The following KIF18A variants were observed in gnomAD, a reference collection of about 807,000 sequenced individuals.
The protein encoded by KIF18A is kinesin family member 18A, also known as kinesin-like protein KIF18A.
In KIF18A, 67 loss-of-function variants were observed where a neutral mutation model predicts 103.3. The observed-to-expected ratio is 0.65, with a 90% CI of 0.53 to 0.79. The LOEUF (loss-of-function observed/expected upper bound fraction) is 0.79. Among genes scored for constraint, KIF18A ranks in the 30% least tolerant of loss-of-function variants. KIF18A has a pLI of 0.00. For synonymous variants in KIF18A, 367 were observed against 355.5 expected (o/e 1.03, Z -0.36); for missense variants, 1,032 against 1,062.5 (o/e 0.97, Z 0.40).
chr11:28,063,881 T>G (rs1321168536), intron 11 of KIF18A, among the ~76,000 whole-genome samples: 2 of 151,750 alleles, frequency 1.3e-5, no homozygotes, highest in Non-Finnish European at 2.9e-5. Context: ...TAAATCAATT[T>G]TAATAAAATA....
At chr11:28,107,524 G>C (rs1308148635) in intron 1 of KIF18A, among the ~76,000 whole-genome samples, 1 of 152,186 alleles carries the variant, frequency 6.6e-6, no homozygotes, top group East Asian at 1.9e-4. Flanking sequence ...TAGGCAGTCA[G>C]AGCGGCTTTT....
At chr11:28,060,645 G>A (rs1425005101) in intron 12 of KIF18A, among the ~76,000 whole-genome samples, 1 of 152,178 alleles carries the variant, frequency 6.6e-6, no homozygotes, top group Non-Finnish European at 1.5e-5. Flanking sequence ...TACCTGGCTG[G>A]TATTTTAAAA....
intron 9 of KIF18A, among the ~76,000 whole-genome samples, chr11:28,078,449 G>C (rs1851122957): frequency 6.6e-6 from 1 of 151,984 alleles, no homozygotes; most frequent in South Asian, 2.1e-4. Flanking sequence ...TCAATTTTGT[G>C]ATCTAGACTT....
In KIF18A at chr11:28,097,676, T is replaced by C; in HGVS notation, c.272A>G (p.Glu91Gly). 6.2e-7 allele frequency: 1 copy of C among 1,611,712 alleles called. No individual in the cohort carries two copies. The highest frequency in any genetic ancestry group is 1.7e-5 in the Admixed American group (1 of 59,810). The change falls in exon 2 of 17, where the codon GAA becomes GGA. Residue 91 changes from glutamate to glycine, a missense_variant. Physicochemically the swap from Glu to Gly is moderately conservative, Grantham distance 98 (BLOSUM62 -2). Transcript: ENST00000263181. ...ACGAAGAATTGGCTTAGTAGTGTGTTCAAAAACTTCTGACTGAGTTGACGT... is the reference window on the plus strand; with the variant it reads ...ACGAAGAATTGGCTTAGTAGTGTGTCCAAAAACTTCTGACTGAGTTGACGT... ...DETSTQSEVFEHTTKPILRSF... is the reference protein window; with the variant it reads ...DETSTQSEVFGHTTKPILRSF...
At chr11:28,070,946 G>A (rs1355193232) in intron 10 of KIF18A, among the ~76,000 whole-genome samples, 2 of 152,198 alleles carry the variant, frequency 1.3e-5, no homozygotes, top group African/African-American at 4.8e-5. Flanking sequence ...ACTTGGTGGG[G>A]TGGAGGGGCT....
chr11:28,040,566 T>A (rs1189272342), intron 13 of KIF18A, among the ~76,000 whole-genome samples: 1 of 151,606 alleles, frequency 6.6e-6, no homozygotes, highest in Non-Finnish European at 1.5e-5. Flanking sequence ...AGAGACCATA[T>A]AGATGATGAT....
chr11:28,026,741 C>T (rs1307620289), intron 15 of KIF18A, among the ~76,000 whole-genome samples: 1 of 151,604 alleles, frequency 6.6e-6, no homozygotes, highest in Non-Finnish European at 1.5e-5. Context: ...TTAGTAAACA[C>T]AACATACTAC....
chr11:28,085,687 C>T (rs760718053), intron 6 of KIF18A, among the ~76,000 whole-genome samples: 9 of 152,042 alleles, frequency 5.9e-5, no homozygotes, highest in African/African-American at 9.7e-5. Flanking sequence ...ATCAGCGCGC[C>T]CAGCTGTTCG....
At chr11:28,035,691 A>G (rs1378855269) in intron 14 of KIF18A, among the ~76,000 whole-genome samples, 197 bp from the exon 15 acceptor site, 4 of 151,600 alleles carry the variant, frequency 2.6e-5, no homozygotes, top group Admixed American at 6.6e-5. Context: ...GTTGCTATCA[A>G]GAGATTTCTG....
In KIF18A at chr11:28,108,113, A is replaced by T. The variant is rs2133576228; in HGVS notation, c.-96T>A. 1 of 152,526 alleles carries T rather than the reference A, an allele frequency of 6.6e-6. No individual in the cohort carries two copies. 9.4% of individuals were successfully genotyped at this position (152,526 alleles called of 1,614,324 possible). A position where few individuals can be genotyped will look rare whatever the true frequency, so the allele number is the denominator to read the frequency against. On this transcript the variant is annotated 5_prime_UTR_variant, in exon 1 of 17. Transcript: ENST00000263181. ...AGGCCCAGGCCAGGTTACCGCAACC[A>T]CTTCACTTTAATGTCCGCCTCCCAG...
At chr11:28,068,193 T>C (rs1363058573) in intron 11 of KIF18A, among the ~76,000 whole-genome samples, 1 of 152,046 alleles carries the variant, frequency 6.6e-6, no homozygotes, top group African/African-American at 2.4e-5. Flanking sequence ...ACACTGCACG[T>C]TCTCACTCAC....
In KIF18A at chr11:28,091,465, C is replaced by T; in HGVS notation, c.532G>A (p.Ala178Thr). 6.2e-7 allele frequency: 1 copy of T among 1,611,752 alleles called. No individual in the cohort carries two copies. Among genetic ancestry groups the T allele is most frequent in the Non-Finnish European group, 8.5e-7 (1 of 1,178,358 alleles). Residue 178 changes from alanine (A) to threonine (T), a missense_variant, in exon 4 of 17, where the codon GCT (alanine) becomes ACT (threonine). Ala to Thr is a moderately conservative substitution (Grantham distance 58, BLOSUM62 0). Transcript: ENST00000263181. ...CCTTTTTGGGTATCTTCCCGGACAG[C>T]AAGTGGCCCTGAATTTACTAAGAGA... The part of the protein sequence containing the change: ...RDLLVNSGPL[A>T]VREDTQKGVV...
intron 10 of KIF18A, among the ~76,000 whole-genome samples, chr11:28,072,553 G>A (rs915441875): frequency 3.3e-5 from 5 of 151,948 alleles, no homozygotes; most frequent in Admixed American, 6.6e-5. Context: ...AAAACAAAAC[G>A]AATCAACCTC....
intron 6 of KIF18A, among the ~76,000 whole-genome samples, chr11:28,088,259 G>A (rs963009827): frequency 6.6e-6 from 1 of 152,002 alleles, no homozygotes; most frequent in Non-Finnish European, 1.5e-5. Flanking sequence ...TGATGAGAAT[G>A]TACCATAAAA....
At chr11:28,024,288 T>G (rs913374203) in intron 15 of KIF18A, among the ~76,000 whole-genome samples, 1 of 151,246 alleles carries the variant, frequency 6.6e-6, no homozygotes, top group African/African-American at 2.4e-5. Flanking sequence ...TGAAAAACCT[T>G]GTTTTAAAAT....
chr11:28,059,118 T>C lies in KIF18A; in HGVS notation c.1756A>G (p.Thr586Ala). 1.2e-6 allele frequency: 2 copies of C among 1,614,030 alleles called. No homozygotes were observed. The highest frequency in any genetic ancestry group is 1.3e-5 in the African/African-American group (1 of 75,048). Residue 586 changes from threonine to alanine, a missense_variant, in exon 13 of 17, where the codon ACA becomes GCA. By Grantham distance (58) the Thr-to-Ala change is moderately conservative. Coordinates refer to ENST00000263181, the MANE Select transcript of KIF18A (RefSeq NM_031217.4). Reference sequence around the variant, plus strand: ...TTTGACAGGCCGGCTTCTTTTAATGTGCAATATTGTTTTCTTAGGGTTGGA... The same window carrying C: ...TTTGACAGGCCGGCTTCTTTTAATGCGCAATATTGTTTTCTTAGGGTTGGA... ...LLPTLRKQYC[T>A]LKEAGLSNAA...
chr11:28,049,964 A>C (rs2133513553), intron 13 of KIF18A, among the ~76,000 whole-genome samples: 1 of 151,982 alleles, frequency 6.6e-6, no homozygotes, highest in African/African-American at 2.4e-5. Context: ...AAACTAATAA[A>C]CATTTTATAA....
intron 13 of KIF18A, among the ~76,000 whole-genome samples, chr11:28,051,015 C>A (rs895097236): frequency 2.6e-5 from 4 of 151,670 alleles, no homozygotes; most frequent in Non-Finnish European, 4.4e-5. Context: ...AATATTGTAT[C>A]TAGGGATCTA....
rs746112505 is a variant in KIF18A, at chr11:28,062,385, A to T, written c.1712+10T>A. 3.1e-6 allele frequency: 5 copies of T among 1,599,544 alleles called. No individual in the cohort carries two copies. The South Asian group carries it at 4.5e-5, about 15-fold the overall frequency. Reference sequence around the variant, plus strand: ...TTAAAATTGGAAAATAGGTAAATGTATGTACTCACGCTTCAGTCTGCCTGT... The same window carrying T: ...TTAAAATTGGAAAATAGGTAAATGTTTGTACTCACGCTTCAGTCTGCCTGT... On this transcript the variant is annotated intron_variant, in intron 12 of 16. Transcript: ENST00000263181.
Sources: gnomAD v4.1 joint callset for allele counts (sites outside exome capture counted in the v4.1 genomes callset) on GRCh38, gnomAD v4.1.1 for gene constraint, MANE v1.5 for transcripts, NCBI Gene and HGNC (gene_info 2026-07-23, HGNC 2026-07-21) for gene names.